ADRA1D: variants seen among roughly 807,000 people sequenced by gnomAD.
ADRA1D encodes the protein adrenoceptor alpha 1D, also known as alpha-1D adrenergic receptor.
Under a neutral mutation model 18.6 loss-of-function variants are expected in ADRA1D, and 22 were observed. The observed-to-expected ratio is 1.19, with a 90% CI of 0.85 to 1.69. The LOEUF (loss-of-function observed/expected upper bound fraction) is 1.69. Among genes scored for constraint, ADRA1D ranks in the 40% most tolerant of loss-of-function variants. The pLI is 0.00. For missense variants in ADRA1D, 840 were observed against 840.7 expected, an observed-to-expected ratio of 1.00 and a Z score of 0.01; for synonymous variants, 376 against 388.2, an observed-to-expected ratio of 0.97 and a Z score of 0.37.
chr20:4,241,982 C>T (rs1981224496), intron 1 of ADRA1D, among the ~76,000 whole-genome samples: 1 of 152,212 alleles, frequency 6.6e-6, no homozygotes, highest in Admixed American at 6.5e-5. Flanking sequence ...TATGCATGCA[C>T]CAATGTCATC....
intron 1 of ADRA1D, among the ~76,000 whole-genome samples, chr20:4,234,183 A>T (rs929816668): frequency 3.3e-5 from 5 of 152,236 alleles, no homozygotes; most frequent in African/African-American, 1.2e-4. Flanking sequence ...CATTTTCCTA[A>T]GGAACAGGAA....
At position 4,248,128 on chromosome 20, in the gene ADRA1D, A is replaced by G. The variant is rs1404592839; in HGVS notation, c.830T>C (p.Val277Ala). 1.9e-6 allele frequency: 3 copies of G among 1,569,164 alleles called. No homozygotes were observed. Among genetic ancestry groups the G allele is most frequent in the Middle Eastern group, 1.7e-4 (1 of 6,044 alleles). Residue 277 changes from valine to alanine, a missense_variant, in exon 1 of 2, where the codon GTG (valine) becomes GCG (alanine). Physicochemically the swap from Val to Ala is moderately conservative, Grantham distance 64. Coordinates refer to ENST00000379453, the MANE Select transcript of ADRA1D (RefSeq NM_000678.4). ...MAVIVVMYCR[V>A]YVVARSTTRS... ...CGTGGTGCTGCGCGCGACCACGTAC[A>G]CGCGGCAGTACATGACCACGATGAC... is the stretch of plus-strand genomic sequence containing the variant.
chr20:4,234,593 T>C (rs1412829586), intron 1 of ADRA1D, among the ~76,000 whole-genome samples: 1 of 152,164 alleles, frequency 6.6e-6, no homozygotes, highest in African/African-American at 2.4e-5. Flanking sequence ...GAGAAGGAAT[T>C]CCCAGCCCCA....
chr20:4,248,419 C>A lies in ADRA1D; in HGVS notation c.539G>T (p.Cys180Phe). Residue 180 changes from cysteine to phenylalanine, a missense_variant, in exon 1 of 2, where the codon TGC becomes TTC. By Grantham distance (205) the Cys-to-Phe change is radical. Transcript: ENST00000379453. The part of the protein sequence containing the change: ...DVWAAVDVLC[C>F]TASILSLCTI... ...GCAGAGGCTGAGGATGGAGGCCGTG[C>A]AGCACAGCACGTCCACGGCGGCCCA... 6.2e-7 allele frequency: 1 copy of A among 1,610,580 alleles called. No individual in the cohort carries two copies. The highest frequency in any genetic ancestry group is 8.5e-7 in the Non-Finnish European group (1 of 1,178,594).
chr20:4,231,026 CTCTTTCTTTCTTTT>C (rs1175002307), intron 1 of ADRA1D, among the ~76,000 whole-genome samples: 3 of 122,900 alleles, frequency 2.4e-5, no homozygotes, highest in African/African-American at 5.9e-5. Flanking sequence ...TTTTCTCTTT[CTCTTTCTTTCTTTT>C]TCTTTCTTTC....
Position 4,221,533 on chromosome 20 carries a change from G to C in ADRA1D, c.1709C>G (p.Thr570Ser). The change falls in exon 2 of 2, where the codon ACC (threonine) becomes AGC (serine). Residue 570 changes from threonine to serine, a missense_variant. Coordinates refer to ENST00000379453, the MANE Select transcript of ADRA1D (RefSeq NM_000678.4). ...CTAGCTCTGGGGTCCTTAAATATCG[G>C]TCTCCCGTAGGTTGCTGTAGTCGGC... ...ELADYSNLRE[T>S]DI 1 of 1,603,236 alleles carries C rather than the reference G, an allele frequency of 6.2e-7. No homozygotes were observed. Among genetic ancestry groups the C allele is most frequent in the Non-Finnish European group, 8.5e-7 (1 of 1,171,524 alleles).
rs1568762340 is a variant in ADRA1D, at chr20:4,224,660, TGTTCCATCCTGGATAG to T, written c.1112-2546_1112-2531del. On this transcript the variant is annotated intron_variant, in intron 1 of 1. Transcript: ENST00000379453. ...CCTGTGAGACCAAGCGGGCCAGGGGTGTTCCATCCTGGATAGAGGCTGCAGGTGCCTGTGAGACCAA... is the reference window on the plus strand; with the variant it reads ...CCTGTGAGACCAAGCGGGCCAGGGGTAGGCTGCAGGTGCCTGTGAGACCAA... 2.5e-3 allele frequency among the ~76,000 whole-genome samples: 357 copies of T among 143,546 alleles called. 1 individual carries two copies. Among genetic ancestry groups the T allele is most frequent in the Admixed American group, 5.6e-3 (81 of 14,594 alleles). The allele number at this position is 143,546 out of a possible 152,430, so 94.2% of individuals were successfully genotyped here.
chr20:4,231,584 G>C (rs1254374455), intron 1 of ADRA1D, among the ~76,000 whole-genome samples: 1 of 152,176 alleles, frequency 6.6e-6, no homozygotes. Context: ...GCAGAGGAAG[G>C]AAAAGGGAGC....
Position 4,239,664 on chromosome 20 carries a change from G to C in ADRA1D, c.1111+8183C>G, listed in dbSNP as rs1981170193. On this transcript the variant is annotated intron_variant, in intron 1 of 1. Transcript: ENST00000379453. This position sits in a 1 kb window ranked among gnomAD's most constrained non-coding sequence, Gnocchi z 4.9. The stretch of plus-strand genomic sequence containing the variant: ...ACTGGAAGGAGTACCCACTGGCCAA[G>C]CCCAAAACAATGATGTCTGTGATGT... Among the ~76,000 whole-genome samples the C allele has an allele frequency of 6.6e-6, 1 of 152,184 alleles. No individual in the cohort carries two copies. Among genetic ancestry groups the C allele is most frequent in the African/African-American group, 2.4e-5 (1 of 41,438 alleles).
At chr20:4,237,836 GTATT>G (rs148787510) in intron 1 of ADRA1D, among the ~76,000 whole-genome samples, 3 of 144,594 alleles carry the variant, frequency 2.1e-5, no homozygotes, top group East Asian at 2.1e-4. Flanking sequence ...GCTAATTTTT[GTATT>G]TATTTATTTA....
chr20:4,241,795 C>T (rs1197038499), intron 1 of ADRA1D, among the ~76,000 whole-genome samples: 1 of 152,214 alleles, frequency 6.6e-6, no homozygotes, highest in East Asian at 1.9e-4. Context: ...CCACTCTCCG[C>T]ACGGGGCCAC....
chr20:4,247,649 A>G (rs1039610920), intron 1 of ADRA1D, among the ~76,000 whole-genome samples, 198 bp downstream of exon 1: 3 of 152,222 alleles, frequency 2.0e-5, no homozygotes, highest in African/African-American at 7.2e-5. Context: ...AAGCCTGTGA[A>G]ACGAACCTGG....
rs1185923628 is a variant in ADRA1D, at chr20:4,239,252, G to C, written c.1111+8595C>G. On this transcript the variant is annotated intron_variant, in intron 1 of 1. Coordinates refer to ENST00000379453, the MANE Select transcript of ADRA1D (RefSeq NM_000678.4). This position sits in a 1 kb window ranked among gnomAD's most constrained non-coding sequence, Gnocchi z 4.9. ...AAAAACAGTGTGATTCTGATGCCCA[G>C]ATCTTTAATGAATGGAGCAGGGTGA... is the stretch of plus-strand genomic sequence containing the variant. Among the ~76,000 whole-genome samples, 2 of 152,126 alleles carry C rather than the reference G, an allele frequency of 1.3e-5. No homozygotes were observed. The highest frequency in any genetic ancestry group is 4.8e-5 in the African/African-American group (2 of 41,424).
Position 4,220,863 on chromosome 20 carries a change from T to A in ADRA1D, c.*660A>T, listed in dbSNP as rs558962716. The A allele has an allele frequency of 6.6e-6, 1 of 152,666 alleles. No homozygotes were observed. Among genetic ancestry groups the A allele is most frequent in the Non-Finnish European group, 1.5e-5 (1 of 68,102 alleles). The allele number at this position is 152,666 out of a possible 1,614,324, so 9.5% of individuals were successfully genotyped here. A position where few individuals can be genotyped will look rare whatever the true frequency, so the allele number is the denominator to read the frequency against. The stretch of plus-strand genomic sequence containing the variant: ...ATGGGCACAGGCACGATGAGCTATG[T>A]ACAGAGTGTAAACAGTAAGGCCCTT... On this transcript the variant is annotated 3_prime_UTR_variant, in exon 2 of 2. Coordinates refer to ENST00000379453, the MANE Select transcript of ADRA1D (RefSeq NM_000678.4).
At chr20:4,232,395 C>T (rs1397925183) in intron 1 of ADRA1D, among the ~76,000 whole-genome samples, 4 of 152,160 alleles carry the variant, frequency 2.6e-5, no homozygotes, top group African/African-American at 7.2e-5. Flanking sequence ...TGTGCGTGCT[C>T]GGAGCATGCT....
chr20:4,233,255 G>A (rs1248732292), intron 1 of ADRA1D, among the ~76,000 whole-genome samples: 1 of 152,132 alleles, frequency 6.6e-6, no homozygotes, highest in Non-Finnish European at 1.5e-5. Context: ...GAGCCCAGGA[G>A]TTCCAGACTA....
At chr20:4,236,163 C>A (rs143966174) in intron 1 of ADRA1D, among the ~76,000 whole-genome samples, 4 of 152,294 alleles carry the variant, frequency 2.6e-5, no homozygotes, top group Non-Finnish European at 4.4e-5. Context: ...GGACCAAAGT[C>A]GTTGGGTTCC....
rs776850930 is a variant in ADRA1D at position 4,247,872 on chromosome 20, G to T, written c.1086C>A (p.Phe362Leu). The T allele has an allele frequency of 2.8e-5, 44 of 1,572,762 alleles. No homozygotes were observed. Among genetic ancestry groups the T allele is most frequent in the Non-Finnish European group, 3.6e-5 (42 of 1,161,272 alleles). ...CGAGCGGCAGGACAAAGAAGAAAGGGAACCAGCAGAGCACGAAGACACCCA... is the reference window on the plus strand; with the variant it reads ...CGAGCGGCAGGACAAAGAAGAAAGGTAACCAGCAGAGCACGAAGACACCCA... ...IVVGVFVLCW[F>L]PFFFVLPLGS... The change falls in exon 1 of 2, where the codon TTC becomes TTA. Residue 362 changes from phenylalanine to leucine, a missense_variant. Physicochemically the swap from Phe to Leu is conservative, Grantham distance 22. Coordinates refer to ENST00000379453, the MANE Select transcript of ADRA1D (RefSeq NM_000678.4).
In ADRA1D at chr20:4,248,790, C is replaced by A. The variant is rs569608654; in HGVS notation, c.168G>T (p.Val56=). The change falls in exon 1 of 2, where the codon GTG becomes GTT. Residue 56 remains valine (V), a synonymous_variant. Coordinates refer to ENST00000379453, the MANE Select transcript of ADRA1D (RefSeq NM_000678.4). ...TGTCCTCGCCGCTGCCTGCGCCCACCACGCCGCCGCCGCCGCCCGCGCCCC... is the reference window on the plus strand; with the variant it reads ...TGTCCTCGCCGCTGCCTGCGCCCACAACGCCGCCGCCGCCGCCCGCGCCCC... ...VPGGAGGGGG[V]VGAGSGEDNR... 1.4e-4 allele frequency: 169 copies of A among 1,194,354 alleles called. No homozygotes were observed. In the African/African-American group the frequency reaches 2.2e-3, roughly 16 times the overall value. The allele number at this position is 1,194,354 out of a possible 1,614,324, so 74.0% of individuals were successfully genotyped here.
Sources: gnomAD v4.1 joint callset for allele counts (sites outside exome capture counted in the v4.1 genomes callset) on GRCh38, gnomAD v4.1.1 for gene constraint, Gnocchi (gnomAD v3.1) non-coding constraint, MANE v1.5 for transcripts, NCBI Gene and HGNC (gene_info 2026-07-23, HGNC 2026-07-21) for gene names.